FBXL5: variants seen among roughly 807,000 people sequenced by gnomAD.
FBXL5 encodes the protein F-box/LRR-repeat protein 5.
In FBXL5, 26 loss-of-function variants were observed where a neutral mutation model predicts 78.3. The observed-to-expected ratio is 0.33, with a 90% CI of 0.24 to 0.46. The LOEUF is 0.46. Ranked by LOEUF, FBXL5 falls within the 20% of genes least tolerant of loss-of-function variation. FBXL5 has a pLI of 1.00. For missense variants in FBXL5, 710 were observed against 829.2 expected (o/e 0.86, Z 1.77); for synonymous variants, 295 against 282.5 (o/e 1.04, Z -0.45).
chr4:15,621,131 G>A (rs1712434755), intron 9 of FBXL5, among the ~76,000 whole-genome samples: 1 of 152,162 alleles, frequency 6.6e-6, no homozygotes, highest in African/African-American at 2.4e-5. Flanking sequence ...CCCCGACCGA[G>A]CTGGTCTCGG....
chr4:15,662,258 G>A (rs1315326465), upstream of FBXL5, among the ~76,000 whole-genome samples: 1 of 152,138 alleles, frequency 6.6e-6, no homozygotes, highest in Non-Finnish European at 1.5e-5. Context: ...TTATTTAGGG[G>A]CATAGGCTCC....
chr4:15,679,608 C>A (rs923931443), intron 1 of FBXL5, among the ~76,000 whole-genome samples: 1 of 151,050 alleles, frequency 6.6e-6, no homozygotes, highest in Non-Finnish European at 1.5e-5. Context: ...ACCCAATGGT[C>A]CCAATTCAAT....
rs1721756165 is a variant in FBXL5 at position 15,604,528 on chromosome 4, T to C, written c.*1195A>G. The C allele has an allele frequency of 2.2e-5, 3 of 138,816 alleles. No homozygotes were observed. The allele number at this position is 138,816 out of a possible 1,614,324, so 8.6% of individuals were successfully genotyped here. A position where few individuals can be genotyped will look rare whatever the true frequency, so the allele number is the denominator to read the frequency against. On this transcript the variant is annotated 3_prime_UTR_variant, in exon 11 of 11. Transcript: ENST00000341285. ...TGAAATACTCCAAGAATTATCACAA[T>C]ATACGAGACATGAAAGGAGAAGTTT...
At chr4:15,626,200 G>A (rs994684923) in intron 8 of FBXL5, among the ~76,000 whole-genome samples, 1 of 152,170 alleles carries the variant, frequency 6.6e-6, no homozygotes, top group Non-Finnish European at 1.5e-5. Context: ...TAACAGAAGG[G>A]TAGGATTTGA....
upstream of FBXL5, among the ~76,000 whole-genome samples, chr4:15,663,996 G>C (rs1717425207): frequency 6.6e-6 from 1 of 152,074 alleles, no homozygotes. Context: ...CTCTTATCCT[G>C]ATTTTTCAGA....
At position 15,636,505 on chromosome 4, in the gene FBXL5, T is replaced by A; in HGVS notation, c.755A>T (p.His252Leu). The change falls in exon 5 of 11, where the codon CAT (histidine) becomes CTT (leucine). Residue 252 changes from histidine (H) to leucine (L), a missense_variant. By Grantham distance (99) the His-to-Leu change is moderately conservative (BLOSUM62 -3). Around this residue, in one of 4 missense-constraint regions of FBXL5, gnomAD observed 517 missense variants for 542.9 expected, o/e 0.95. Transcript: ENST00000341285. Reference protein sequence around the residue: ...GSLWKHLYPVHWARGDWYSGP... With the variant: ...GSLWKHLYPVLWARGDWYSGP... ...ACCCATTTACCTACCTCTGGCCCAA[T>A]GAACAGGGTAAAGATGTTTCCAAAG... is the stretch of plus-strand genomic sequence containing the variant. The A allele has an allele frequency of 6.3e-7, 1 of 1,596,072 alleles. No individual in the cohort carries two copies. The highest frequency in any genetic ancestry group is 8.5e-7 in the Non-Finnish European group (1 of 1,170,104).
intron 9 of FBXL5, among the ~76,000 whole-genome samples, chr4:15,615,605 CCT>C (rs1711756328): frequency 6.9e-6 from 1 of 145,298 alleles, no homozygotes; most frequent in African/African-American, 2.6e-5. Flanking sequence ...CAATCAGCAC[CCT>C]GTGTTTAGCT....
intron 5 of FBXL5, among the ~76,000 whole-genome samples, chr4:15,631,260 T>C (rs1389986022): frequency 1.3e-5 from 2 of 152,248 alleles, no homozygotes; most frequent in Non-Finnish European, 1.5e-5. Context: ...TCATTTTTTA[T>C]GGCTGCATAG....
intron 9 of FBXL5, 134 bp from the exon 10 acceptor site, chr4:15,612,548 C>A: frequency 3.9e-6 from 3 of 764,200 alleles, no homozygotes; most frequent in Non-Finnish European, 6.2e-6. Flanking sequence ...CTGTAAAACA[C>A]TGATAACTAA....
chr4:15,610,629 CATCT>C (rs1560207930), intron 10 of FBXL5, among the ~76,000 whole-genome samples: 1 of 152,058 alleles, frequency 6.6e-6, no homozygotes, highest in Non-Finnish European at 1.5e-5. Flanking sequence ...TTTATCCCAT[CATCT>C]AAATTATTTC....
At chr4:15,619,775 G>A (rs1560214786) in intron 9 of FBXL5, among the ~76,000 whole-genome samples, 1 of 152,182 alleles carries the variant, frequency 6.6e-6, no homozygotes. Flanking sequence ...TTGAGCTCGG[G>A]AGTTTGAGTT....
At chr4:15,660,587 C>T (rs962958206), upstream of FBXL5, among the ~76,000 whole-genome samples, 2 of 152,232 alleles carry the variant, frequency 1.3e-5, no homozygotes, top group Admixed American at 1.3e-4. Context: ...TACCTACCCA[C>T]AAGATCTAGG....
intron 5 of FBXL5, among the ~76,000 whole-genome samples, chr4:15,634,720 T>C (rs140188219): frequency 1.7e-3 from 255 of 152,266 alleles, no homozygotes; most frequent in African/African-American, 6.0e-3. Flanking sequence ...CCCAGGCTTA[T>C]TGGAACTTTT....
intron 5 of FBXL5, among the ~76,000 whole-genome samples, chr4:15,635,823 T>A (rs566850223): frequency 6.6e-6 from 1 of 151,462 alleles, no homozygotes; most frequent in Admixed American, 6.6e-5. Flanking sequence ...AGAAAAAATG[T>A]ATGCTATATT....
At position 15,638,660 on chromosome 4, in the gene FBXL5, T is replaced by C; in HGVS notation, c.431A>G (p.Tyr144Cys). The change falls in exon 4 of 11, where the codon TAT (tyrosine) becomes TGT (cysteine). Residue 144 changes from tyrosine to cysteine, a missense_variant. Tyr to Cys is a radical substitution (Grantham distance 194). This residue lies in a region of FBXL5 where 517 missense variants were observed against 542.9 expected (regional missense o/e 0.95). Coordinates refer to ENST00000341285, the MANE Select transcript of FBXL5 (RefSeq NM_012161.4). Reference protein sequence around the residue: ...FQPMLMEYFTYEELKDIKKKV... With the variant: ...FQPMLMEYFTCEELKDIKKKV... ...CTTTTTAATATCCTTAAGCTCTTCA[T>C]AGGTAAAATATTCCATTAACATGGG... 2.5e-6 allele frequency: 4 copies of C among 1,602,230 alleles called. No individual in the cohort carries two copies. Among genetic ancestry groups the C allele is most frequent in the Non-Finnish European group, 3.4e-6 (4 of 1,176,784 alleles).
chr4:15,678,917 A>G (rs564367611), intron 1 of FBXL5, among the ~76,000 whole-genome samples: 1 of 152,306 alleles, frequency 6.6e-6, no homozygotes, highest in Middle Eastern at 3.4e-3. Flanking sequence ...AATTGATATA[A>G]TGAACAAATG....
chr4:15,615,070 G>A (rs961049388), intron 9 of FBXL5, among the ~76,000 whole-genome samples: 3 of 152,272 alleles, frequency 2.0e-5, no homozygotes, highest in East Asian at 3.9e-4. Flanking sequence ...CAGTGGCTGC[G>A]GAGGGTGTAC....
At chr4:15,645,780 T>G (rs1715291870) in intron 1 of FBXL5, among the ~76,000 whole-genome samples, 2 of 152,238 alleles carry the variant, frequency 1.3e-5, no homozygotes, top group Admixed American at 6.5e-5. Flanking sequence ...TAATAAAACA[T>G]CTGTATTTCA....
chr4:15,612,284 A>G lies in FBXL5; in HGVS notation c.1981T>C (p.Tyr661His), dbSNP rs1722326201. 1 of 1,608,486 alleles carries G rather than the reference A, an allele frequency of 6.2e-7. No homozygotes were observed. ...CPSLNDEYFY[Y>H]CDNINGPHAD... ...GCATTACCGTTAATGTTGTCACAGT[A>G]GTAAAAGTATTCATCATTCAGAGAA... The change falls in exon 10 of 11, where the codon TAC becomes CAC. Residue 661 changes from tyrosine to histidine, a missense_variant. Physicochemically the swap from Tyr to His is moderately conservative, Grantham distance 83. Transcript: ENST00000341285.
Sources: allele counts gnomAD v4.1 joint callset (sites outside exome capture counted in the v4.1 genomes callset), GRCh38; gene constraint gnomAD v4.1.1; regional missense constraint gnomAD v4.1.1; transcripts MANE v1.5; gene names NCBI Gene and HGNC (gene_info 2026-07-23, HGNC 2026-07-21).